The following FAM228B variants were observed in gnomAD, a reference collection of about 807,000 sequenced individuals.
FAM228B encodes family with sequence similarity 228 member B.
FAM228B carries 38 observed loss-of-function variants against 42.6 expected under a neutral mutation model. The observed-to-expected ratio is 0.89, with a 90% CI of 0.69 to 1.17. The LOEUF (loss-of-function observed/expected upper bound fraction) is 1.17. Ranked by LOEUF, FAM228B falls within the 50% of genes most tolerant of loss-of-function variation. FAM228B has a pLI of 0.00. For synonymous variants in FAM228B, 109 were observed against 122.3 expected, an observed-to-expected ratio of 0.89 and a Z score of 0.72; for missense variants, 344 against 367.3, an observed-to-expected ratio of 0.94 and a Z score of 0.52.
At chr2:24,130,214 T>C (rs970204700) in intron 2 of FAM228B, among the ~76,000 whole-genome samples, 2 of 152,254 alleles carry the variant, frequency 1.3e-5, no homozygotes, top group Admixed American at 6.5e-5. Flanking sequence ...CTATCATTGA[T>C]GGGCATTTGG....
intron 7 of FAM228B, among the ~76,000 whole-genome samples, chr2:24,155,523 ATATATATATTT>A (rs1171207514): frequency 1.5e-3 from 40 of 25,868 alleles, no homozygotes; most frequent in Non-Finnish European, 1.8e-3. Flanking sequence ...ATATATATAT[ATATATATATTT>A]TTTTTTTTTT....
chr2:24,097,033 T>C (rs1665511023), intron 3 of FAM228B: 2 of 152,070 alleles, frequency 1.3e-5, no homozygotes, highest in Non-Finnish European at 2.9e-5. Context: ...CTAAGCTTCA[T>C]AAGTAAAGGA....
rs1296026286 is a variant in FAM228B at position 24,077,629 on chromosome 2, T to C, written c.-290+660T>C. ...TTGCCTATGTTCTTGTTGGCCTCCA[T>C]GTACTTATGGGCCTCCTGGATTTCG... is the stretch of plus-strand genomic sequence containing the variant. On this transcript the variant is annotated intron_variant, in intron 1 of 10. Coordinates refer to the FAM228B transcript ENST00000613899. This position sits in a 1 kb window ranked among gnomAD's most constrained non-coding sequence, Gnocchi z 5.5. 1 of 1,598,390 alleles carries C rather than the reference T, an allele frequency of 6.3e-7. No homozygotes were observed. Among genetic ancestry groups the C allele is most frequent in the Non-Finnish European group, 8.5e-7 (1 of 1,170,472 alleles).
At chr2:24,132,459 G>A (rs1207912568) in intron 2 of FAM228B, among the ~76,000 whole-genome samples, 1 of 129,764 alleles carries the variant, frequency 7.7e-6, no homozygotes, top group African/African-American at 2.7e-5. Flanking sequence ...TCTGGTCCTG[G>A]GATTGTTTTT....
At position 24,077,626 on chromosome 2, in the gene FAM228B, C is replaced by T; in HGVS notation, c.-290+657C>T. The T allele has an allele frequency of 6.2e-7, 1 of 1,613,966 alleles. No homozygotes were observed. Among genetic ancestry groups the T allele is most frequent in the Non-Finnish European group, 8.5e-7 (1 of 1,179,924 alleles). ...ATCTTGCCTATGTTCTTGTTGGCCT[C>T]CATGTACTTATGGGCCTCCTGGATT... On this transcript the variant is annotated intron_variant, in intron 1 of 10. Coordinates refer to the FAM228B transcript ENST00000613899. The surrounding 1 kb of genome is among the most constrained non-coding windows in gnomAD (Gnocchi z 5.5).
At chr2:24,133,588 T>A (rs1415610113) in intron 2 of FAM228B, among the ~76,000 whole-genome samples, 1 of 152,242 alleles carries the variant, frequency 6.6e-6, no homozygotes, top group Non-Finnish European at 1.5e-5. Flanking sequence ...AAGGCAATTC[T>A]GTGCTAGAAA....
Position 24,169,443 on chromosome 2 carries a change from C to A in FAM228B, c.*102C>A. On this transcript the variant is annotated 3_prime_UTR_variant, in exon 11 of 11. Transcript: ENST00000615575. The surrounding 1 kb of genome is among the most constrained non-coding windows in gnomAD (Gnocchi z 4.2). ...GCTGCTTCAGAGGAAGTCATCTGCT[C>A]ACAGGAATCAGGGTGAAGGCCAAGG... 1 of 434,820 alleles carries A rather than the reference C, an allele frequency of 2.3e-6. No homozygotes were observed. 26.9% of individuals were successfully genotyped at this position (434,820 alleles called of 1,614,324 possible).
chr2:24,104,810 C>T (rs1440450062), intron 3 of FAM228B, among the ~76,000 whole-genome samples: 3 of 152,204 alleles, frequency 2.0e-5, no homozygotes, highest in Admixed American at 1.3e-4. Context: ...CCATACCCAC[C>T]CTTGCCACTG....
chr2:24,151,451 C>T lies in FAM228B; in HGVS notation c.686+4365C>T, dbSNP rs897943571. Among the ~76,000 whole-genome samples, 47 of 151,560 alleles carry T rather than the reference C, an allele frequency of 3.1e-4. 1 individual carries two copies. The highest frequency in any genetic ancestry group is 6.5e-4 in the African/African-American group (27 of 41,326). On this transcript the variant is annotated intron_variant, in intron 7 of 10. Transcript: ENST00000615575. ...GACTACAGGCACCCACCACCACGTC[C>T]GGCTAATTTTTTGTATTTTTATTAG...
At chr2:24,120,872 C>CT (rs35518003), upstream of FAM228B, among the ~76,000 whole-genome samples, 1,834 of 141,848 alleles carry the variant, frequency 0.013, 19 homozygotes, top group African/African-American at 0.017. Flanking sequence ...ATGATTATCT[C>CT]TTTTTTTTTT....
upstream of FAM228B, among the ~76,000 whole-genome samples, chr2:24,119,317 A>G (rs541840423): frequency 6.6e-6 from 1 of 152,298 alleles, no homozygotes; most frequent in African/African-American, 2.4e-5. Context: ...CAGGAAAGGA[A>G]ACAGTTTGCT....
chr2:24,102,214 C>A lies in FAM228B; in HGVS notation c.-121+6985C>A, dbSNP rs184908696. ...AGTAAAGACTTGGAAACCACCCAAT[C>A]TGTTACTCAGTCACAAGTGTCACTC... On this transcript the variant is annotated intron_variant, in intron 3 of 10. Coordinates refer to the FAM228B transcript ENST00000613899. 8.5e-5 allele frequency among the ~76,000 whole-genome samples: 13 copies of A among 152,244 alleles called. No homozygotes were observed. The Middle Eastern group carries it at 0.01, about 120-fold the overall frequency.
intron 8 of FAM228B, among the ~76,000 whole-genome samples, chr2:24,162,345 A>G (rs1007845735): frequency 2.0e-5 from 3 of 152,202 alleles, no homozygotes; most frequent in Non-Finnish European, 2.9e-5. Flanking sequence ...CATACTATCA[A>G]ATACTATGTA....
chr2:24,107,517 A>G (rs887945704), intron 3 of FAM228B, among the ~76,000 whole-genome samples: 1 of 152,214 alleles, frequency 6.6e-6, no homozygotes, highest in Non-Finnish European at 1.5e-5. Context: ...AAAATCAACC[A>G]GACAATCAGA....
At position 24,164,308 on chromosome 2, in the gene FAM228B, GC is replaced by G. The variant is rs113322110; in HGVS notation, c.907del (p.Gln303ArgfsTer18). The G allele has an allele frequency of 0.03, 46,394 of 1,550,938 alleles. 807 individuals carry two copies. Among genetic ancestry groups the G allele is most frequent in the East Asian group, 0.078 (3,199 of 40,868 alleles). On this transcript the variant is annotated frameshift_variant, in exon 9 of 11. Coordinates refer to ENST00000615575, the MANE Select transcript of FAM228B (RefSeq NM_001145710.2). LOFTEE classifies it high-confidence loss of function. ...SEGYFSSLSL[S>X]QEREEDQDGS... is the part of the protein sequence containing the mutation. ...GGGTATTTTTCTTCCTTGAGCCTCA[GC>G]CAGGAACGGGAGGAAGACCAGGATG...
intron 2 of FAM228B, among the ~76,000 whole-genome samples, chr2:24,134,916 C>T (rs1316498677): frequency 6.6e-6 from 1 of 152,168 alleles, no homozygotes; most frequent in African/African-American, 2.4e-5. Context: ...TGCTGGTGCA[C>T]TCCAGCAGCC....
chr2:24,153,947 G>A (rs1667075192), intron 7 of FAM228B, among the ~76,000 whole-genome samples: 1 of 152,224 alleles, frequency 6.6e-6, no homozygotes, highest in Non-Finnish European at 1.5e-5. Context: ...GGTGCTGGCT[G>A]AGCCCAGCAT....
chr2:24,122,659 T>C, upstream of FAM228B: 1 of 690,162 alleles, frequency 1.4e-6, no homozygotes, highest in Non-Finnish European at 2.5e-6. Context: ...CAAGTGTACT[T>C]TGAAAAGGTA....
At chr2:24,085,638 T>A (rs1232647268) in intron 2 of FAM228B, 1 of 152,124 alleles carries the variant, frequency 6.6e-6, no homozygotes, top group Admixed American at 6.6e-5. Context: ...GAATCCCCCT[T>A]ACCCCTGATG....
Sources: allele counts gnomAD v4.1 joint callset (sites outside exome capture counted in the v4.1 genomes callset), GRCh38; gene constraint gnomAD v4.1.1; non-coding constraint Gnocchi (gnomAD v3.1); transcripts MANE v1.5; gene names NCBI Gene and HGNC (gene_info 2026-07-23, HGNC 2026-07-21).